Variants in TTC14 observed in about 807,000 individuals in gnomAD.
TTC14 encodes the protein tetratricopeptide repeat protein 14.
In TTC14, 63 loss-of-function variants were observed where a neutral mutation model predicts 79.9. The ratio of observed to expected loss-of-function variants is 0.79; its 90% CI spans 0.64 to 0.97. The LOEUF (loss-of-function observed/expected upper bound fraction) is 0.97. TTC14 is among the 50% of genes least tolerant of loss of function. TTC14 has a pLI of 0.00. For synonymous variants in TTC14, 335 were observed against 309.6 expected, an observed-to-expected ratio of 1.08 and a Z score of -0.86; for missense variants, 895 against 894.0, an observed-to-expected ratio of 1.00 and a Z score of -0.01.
At position 180,606,270 on chromosome 3, in the gene TTC14, A is replaced by G. The variant is rs1716678106; in HGVS notation, c.947A>G (p.Asp316Gly). 1.2e-6 allele frequency: 2 copies of G among 1,614,056 alleles called. No individual in the cohort carries two copies. Among genetic ancestry groups the G allele is most frequent in the Non-Finnish European group, 8.5e-7 (1 of 1,179,958 alleles). The stretch of plus-strand genomic sequence containing the variant: ...TTTTTTAGTGTGAAGATCGGAGTTG[A>G]CTATTTTAAAGTTGGACGCCATGTG... ...WALKCVKIGV[D>G]YFKVGRHVDA... The change falls in exon 8 of 12, where the codon GAC becomes GGC. Residue 316 changes from aspartate (D) to glycine (G), a missense_variant. Coordinates refer to ENST00000296015, the MANE Select transcript of TTC14 (RefSeq NM_133462.4).
At position 180,610,386 on chromosome 3, in the gene TTC14, G is replaced by A. The variant is rs1297196532; in HGVS notation, c.2157G>A (p.Gly719=). 1 of 1,613,702 alleles carries A rather than the reference G, an allele frequency of 6.2e-7. No homozygotes were observed. The highest frequency in any genetic ancestry group is 1.7e-5 in the Admixed American group (1 of 59,982). The change falls in exon 12 of 12, where the codon GGG becomes GGA. Residue 719 remains glycine, a synonymous_variant. Coordinates refer to ENST00000296015, the MANE Select transcript of TTC14 (RefSeq NM_133462.4). ...QGEYEREDNY[G]EDIKTEVPEE... is the part of the protein sequence containing the mutation. Reference sequence around the variant, plus strand: ...AATATGAAAGAGAGGACAATTATGGGGAGGATATCAAAACAGAGGTTCCAG... The same window carrying A: ...AATATGAAAGAGAGGACAATTATGGAGAGGATATCAAAACAGAGGTTCCAG...
In TTC14 at chr3:180,616,274, C is replaced by T. The variant is rs201606383; in HGVS notation, c.1775-1106C>T. 42 of 1,612,302 alleles carry T rather than the reference C, an allele frequency of 2.6e-5. No individual in the cohort carries two copies. The highest frequency in any genetic ancestry group is 3.3e-5 in the South Asian group (3 of 91,030). ...TTAAGCAGATTTTTTTTTAACCCTC[C>T]GCTTACCTTGCTGATAGTGAAGTAT... On this transcript the variant is annotated intron_variant, in intron 12 of 12. Coordinates refer to the TTC14 transcript ENST00000382584.
intron 12 of TTC14, chr3:180,617,341 T>A: frequency 2.0e-6 from 1 of 510,084 alleles, no homozygotes; most frequent in Non-Finnish European, 3.5e-6. Context: ...ATTACTGATT[T>A]ATGTATTTAC....
intron 9 of TTC14, among the ~76,000 whole-genome samples, chr3:180,606,891 A>G (rs1716726830): frequency 6.6e-6 from 1 of 152,152 alleles, no homozygotes; most frequent in African/African-American, 2.4e-5. Context: ...AGGAACTTCT[A>G]TTTAATGATT....
At chr3:180,606,706 ACT>A in intron 9 of TTC14, 103 bp downstream of exon 9, 1 of 1,305,800 alleles carries the variant, frequency 7.7e-7, no homozygotes, top group Non-Finnish European at 1.0e-6. Context: ...AATTTATAAC[ACT>A]CTTGGTTTCA....
intron 3 of TTC14, chr3:180,603,928 T>C (rs1334830267): frequency 8.6e-6 from 3 of 347,780 alleles, no homozygotes; most frequent in Non-Finnish European, 1.6e-5. Context: ...GGAATCCTTA[T>C]ACCTTTTAGA....
Position 180,605,792 on chromosome 3 carries a change from C to T in TTC14, c.884C>T (p.Ala295Val). ...AAAAATTTCTCTGAAGATGATTTTG[C>T]TTCTGCATTGAGAAAAAAACAATCC... The part of the protein sequence containing the change: ...QSKNFSEDDF[A>V]SALRKKQSAS... Residue 295 changes from alanine to valine, a missense_variant, in exon 7 of 12, where the codon GCT (alanine) becomes GTT (valine). Transcript: ENST00000296015. 2 of 1,567,016 alleles carry T rather than the reference C, an allele frequency of 1.3e-6. No individual in the cohort carries two copies. The highest frequency in any genetic ancestry group is 1.2e-5 in the South Asian group (1 of 83,754).
Position 180,606,295 on chromosome 3 carries a change from G to GA in TTC14, c.972_973insA (p.Asp325ArgfsTer5). 6.2e-7 allele frequency: 1 copy of GA among 1,614,082 alleles called. No homozygotes were observed. The highest frequency in any genetic ancestry group is 8.5e-7 in the Non-Finnish European group (1 of 1,179,998). ...ACTATTTTAAAGTTGGACGCCATGT[G>GA]GATGCTATGAATGAATACAATAAAG... On this transcript the variant is annotated frameshift_variant, in exon 8 of 12. Coordinates refer to ENST00000296015, the MANE Select transcript of TTC14 (RefSeq NM_133462.4). LOFTEE classifies it high-confidence loss of function.
rs114124840 is a variant in TTC14 at position 180,602,261 on chromosome 3, C to T, written c.-1C>T. The T allele has an allele frequency of 5.9e-4, 951 of 1,613,854 alleles. 9 individuals carry two copies. The African/African-American group carries it at 0.011, about 19-fold the overall frequency. On this transcript the variant is annotated 5_prime_UTR_variant, in exon 1 of 12. Coordinates refer to ENST00000296015, the MANE Select transcript of TTC14 (RefSeq NM_133462.4). ...GCCTCCGGGCCCTGCATTCTCTAGC[C>T]ATGGACCGGGACCTTTTGCGGCAGT... is the stretch of plus-strand genomic sequence containing the variant.
rs201339555 is a variant in TTC14 at position 180,602,916 on chromosome 3, G to T, written c.187G>T (p.Glu63Ter). 1.4e-5 allele frequency: 23 copies of T among 1,612,802 alleles called. No individual in the cohort carries two copies. The highest frequency in any genetic ancestry group is 1.9e-5 in the Non-Finnish European group (23 of 1,179,762). ...GRKEKRVDNI[E>*]IQKFISKKAD... ...AAAAGAGAAGAGAGTTGACAACATCGAGATACAGAAATTCATCTCCAAAAA... is the reference window on the plus strand; with the variant it reads ...AAAAGAGAAGAGAGTTGACAACATCTAGATACAGAAATTCATCTCCAAAAA... Residue 63 changes from glutamate (E) to a stop codon, truncating the protein, a stop_gained, in exon 2 of 12, where the codon GAG (glutamate) becomes TAG (stop). Transcript: ENST00000296015. LOFTEE classifies it high-confidence loss of function.
downstream of TTC14, among the ~76,000 whole-genome samples, chr3:180,613,550 C>T (rs1717106446): frequency 6.6e-6 from 1 of 152,098 alleles, no homozygotes; most frequent in African/African-American, 2.4e-5. Context: ...TTATCAAATT[C>T]GGTAAACTTG....
downstream of TTC14, among the ~76,000 whole-genome samples, chr3:180,615,992 C>T (rs928533123): frequency 6.6e-6 from 1 of 152,040 alleles, no homozygotes; most frequent in Non-Finnish European, 1.5e-5. Flanking sequence ...TAGATGTAGC[C>T]CCCAAATTTA....
At chr3:180,609,429 AATG>A (rs1302237699) in intron 11 of TTC14, 198 bp from the exon 12 acceptor site, 2 of 1,282,020 alleles carry the variant, frequency 1.6e-6, no homozygotes, top group South Asian at 2.7e-5. Context: ...ATTTGCTTAC[AATG>A]ATACCTGTCT....
chr3:180,613,876 C>CA (rs908813610), downstream of TTC14: 1 of 453,318 alleles, frequency 2.2e-6, no homozygotes, highest in East Asian at 7.0e-5. Flanking sequence ...TAAAACAAAA[C>CA]AAAAAATAAT....
chr3:180,608,947 A>T, intron 11 of TTC14, 137 bp downstream of exon 11: 1 of 1,225,818 alleles, frequency 8.2e-7, no homozygotes, highest in Non-Finnish European at 1.0e-6. Flanking sequence ...ATCTTTAGCA[A>T]ATATGTGTTC....
chr3:180,613,756 A>G, downstream of TTC14: 1 of 416,562 alleles, frequency 2.4e-6, no homozygotes, highest in Non-Finnish European at 4.7e-6. Context: ...ATTAGTTTTT[A>G]GGTCTTATAA....
At chr3:180,617,500 A>G (rs1199132640) in exon 13 of TTC14, 5 of 673,276 alleles carry the variant, frequency 7.4e-6, no homozygotes, top group Non-Finnish European at 1.4e-5. Context: ...ACTGACCCTG[A>G]AGACCTTCAA....
chr3:180,603,510 G>A (rs1161789285), intron 3 of TTC14, 187 bp downstream of exon 3: 7 of 593,896 alleles, frequency 1.2e-5, no homozygotes, highest in South Asian at 4.1e-5. Flanking sequence ...TCCATTTCTG[G>A]TTTTTGGGAT....
intron 4 of TTC14, 33 bp downstream of exon 4, chr3:180,604,342 A>C (rs751147850): frequency 1.8e-5 from 28 of 1,593,026 alleles, no homozygotes; most frequent in Non-Finnish European, 2.4e-5. Flanking sequence ...TAAAAAAGTA[A>C]TGATTGTTGA....
Sources: allele counts gnomAD v4.1 joint callset (sites outside exome capture counted in the v4.1 genomes callset), GRCh38; gene constraint gnomAD v4.1.1; transcripts MANE v1.5; gene names NCBI Gene and HGNC (gene_info 2026-07-23, HGNC 2026-07-21).